The following NXPH2 variants were observed in gnomAD, a reference collection of about 807,000 sequenced individuals.
NXPH2 encodes the protein neurexophilin 2, also known as neurexophilin-2.
A neutral mutation model predicts 19.8 loss-of-function variants in NXPH2; 5 were observed. The ratio of observed to expected loss-of-function variants is 0.25; its 90% CI spans 0.13 to 0.53. NXPH2 has a LOEUF of 0.53. Ranked by LOEUF, NXPH2 falls within the 20% of genes least tolerant of loss-of-function variation. The pLI, the probability that NXPH2 is intolerant of heterozygous loss-of-function variation, is 0.96. For missense variants in NXPH2, 289 were observed against 322.8 expected, an observed-to-expected ratio of 0.90 and a Z score of 0.80; for synonymous variants, 154 against 127.4, an observed-to-expected ratio of 1.21 and a Z score of -1.41.
At chr2:138,689,014 C>A (rs1680706105) in intron 1 of NXPH2, among the ~76,000 whole-genome samples, 1 of 152,190 alleles carries the variant, frequency 6.6e-6, no homozygotes, top group African/African-American at 2.4e-5. Context: ...TGTAAGCCTC[C>A]CCACTAAGCT....
chr2:138,686,622 T>C (rs1160602690), intron 1 of NXPH2, among the ~76,000 whole-genome samples: 1 of 152,224 alleles, frequency 6.6e-6, no homozygotes, highest in Non-Finnish European at 1.5e-5. Flanking sequence ...TACATATGTA[T>C]ACATGTGCCA....
chr2:138,750,267 A>G (rs1010206864), intron 1 of NXPH2, among the ~76,000 whole-genome samples: 1 of 152,194 alleles, frequency 6.6e-6, no homozygotes, highest in Non-Finnish European at 1.5e-5. Context: ...TGAATGTAAA[A>G]GTTGTGTTCT....
intron 1 of NXPH2, among the ~76,000 whole-genome samples, chr2:138,683,172 T>A (rs1005287047): frequency 1.3e-5 from 2 of 152,148 alleles, no homozygotes; most frequent in Admixed American, 1.3e-4. Context: ...ATTCTTTTGA[T>A]AATCTAGTAG....
chr2:138,676,069 G>A (rs16841020), intron 1 of NXPH2, among the ~76,000 whole-genome samples: 4,146 of 151,958 alleles, frequency 0.027, 148 homozygotes, highest in East Asian at 0.16. Context: ...AACAACATTA[G>A]CCAAGTTGGT....
At chr2:138,740,968 C>T (rs570024875) in intron 1 of NXPH2, among the ~76,000 whole-genome samples, 7 of 152,082 alleles carry the variant, frequency 4.6e-5, no homozygotes, top group African/African-American at 1.7e-4. Flanking sequence ...GGGAAAAATA[C>T]ATCTTGAAAT....
chr2:138,677,803 A>G (rs921104306), intron 1 of NXPH2, among the ~76,000 whole-genome samples: 3 of 152,190 alleles, frequency 2.0e-5, no homozygotes, highest in African/African-American at 7.2e-5. Context: ...TTCGCTATAT[A>G]TTTTTTAATA....
At chr2:138,712,278 C>A (rs563309950) in intron 1 of NXPH2, among the ~76,000 whole-genome samples, 6 of 152,318 alleles carry the variant, frequency 3.9e-5, no homozygotes, top group African/African-American at 1.2e-4. Flanking sequence ...AGGCCTGAAC[C>A]AGAAGCCAAT....
chr2:138,741,942 TCA>T (rs915711417), intron 1 of NXPH2, among the ~76,000 whole-genome samples: 18 of 152,198 alleles, frequency 1.2e-4, no homozygotes, highest in African/African-American at 4.1e-4. Context: ...TATTGCTAAT[TCA>T]CAGTTACAAC....
chr2:138,698,751 G>A (rs1255975658), intron 1 of NXPH2, among the ~76,000 whole-genome samples: 1 of 152,184 alleles, frequency 6.6e-6, no homozygotes, highest in Non-Finnish European at 1.5e-5. Flanking sequence ...CTACTTGGGA[G>A]ATGGAGGCAG....
chr2:138,773,613 T>C (rs1682211927), intron 1 of NXPH2, among the ~76,000 whole-genome samples: 1 of 152,214 alleles, frequency 6.6e-6, no homozygotes, highest in African/African-American at 2.4e-5. Flanking sequence ...ACATTATTTC[T>C]TAAATTACTG....
intron 1 of NXPH2, among the ~76,000 whole-genome samples, chr2:138,718,262 G>A (rs1024920868): frequency 6.6e-5 from 10 of 152,012 alleles, no homozygotes; most frequent in African/African-American, 2.2e-4. Flanking sequence ...GTTGAAATTA[G>A]TGAAAAGACA....
chr2:138,769,530 A>G (rs1349954343), intron 1 of NXPH2, among the ~76,000 whole-genome samples: 1 of 152,224 alleles, frequency 6.6e-6, no homozygotes, highest in Non-Finnish European at 1.5e-5. Flanking sequence ...GACACAAAGA[A>G]GAGTAAATCA....
At chr2:138,752,635 A>G (rs1681843845) in intron 1 of NXPH2, among the ~76,000 whole-genome samples, 1 of 152,094 alleles carries the variant, frequency 6.6e-6, no homozygotes, top group South Asian at 2.1e-4. Context: ...TGAAGCCCAT[A>G]CTTTGTTCAG....
At chr2:138,699,749 T>A (rs1232778580) in intron 1 of NXPH2, among the ~76,000 whole-genome samples, 1 of 152,164 alleles carries the variant, frequency 6.6e-6, no homozygotes, top group Non-Finnish European at 1.5e-5. Context: ...ACTTTCCTAT[T>A]TGATCCCAGC....
At chr2:138,770,649 A>G (rs750470535) in intron 1 of NXPH2, among the ~76,000 whole-genome samples, 2 of 152,072 alleles carry the variant, frequency 1.3e-5, no homozygotes, top group Admixed American at 6.5e-5. Context: ...AAACATAAAC[A>G]TACAAAAATA....
intron 1 of NXPH2, among the ~76,000 whole-genome samples, chr2:138,677,361 T>C (rs1010785078): frequency 6.6e-6 from 1 of 152,224 alleles, no homozygotes; most frequent in Non-Finnish European, 1.5e-5. Context: ...AACACATTTA[T>C]CAAAGCTTAA....
At chr2:138,732,590 T>C (rs1681468893) in intron 1 of NXPH2, among the ~76,000 whole-genome samples, 2 of 152,312 alleles carry the variant, frequency 1.3e-5, no homozygotes, top group South Asian at 4.1e-4. Flanking sequence ...AAAGCTCTGC[T>C]GTGCTGGACC....
chr2:138,730,271 T>G (rs1681427555), intron 1 of NXPH2, among the ~76,000 whole-genome samples: 1 of 151,952 alleles, frequency 6.6e-6, no homozygotes, highest in Non-Finnish European at 1.5e-5. Context: ...CATAGCTCAC[T>G]GCAGCCTTCA....
chr2:138,705,035 C>A (rs1354422411), intron 1 of NXPH2, among the ~76,000 whole-genome samples: 1 of 152,060 alleles, frequency 6.6e-6, no homozygotes, highest in East Asian at 1.9e-4. Flanking sequence ...CCATGTTGGC[C>A]AGGCTGGTCT....
Sources: gnomAD v4.1 joint callset for allele counts (sites outside exome capture counted in the v4.1 genomes callset) on GRCh38, gnomAD v4.1.1 for gene constraint, MANE v1.5 for transcripts, NCBI Gene and HGNC (gene_info 2026-07-23, HGNC 2026-07-21) for gene names.